Variants in PTPRD observed in about 807,000 individuals in gnomAD.
The protein encoded by PTPRD is protein tyrosine phosphatase receptor type D.
A neutral mutation model predicts 214.5 loss-of-function variants in PTPRD; 34 were observed. That is an observed-to-expected ratio of 0.16 (90% confidence interval 0.12 to 0.21). The LOEUF (loss-of-function observed/expected upper bound fraction) is 0.21. PTPRD is among the 10% of genes least tolerant of loss of function. The pLI, the probability that PTPRD is intolerant of heterozygous loss-of-function variation, is 1.00. For synonymous variants in PTPRD, 1,128 were observed against 845.7 expected (o/e 1.33, Z -5.79); for missense variants, 2,545 against 2,398.7 (o/e 1.06, Z -1.27).
At chr9:8,419,063 T>A (rs1353854769) in intron 35 of PTPRD, among the ~76,000 whole-genome samples, 1 of 151,644 alleles carries the variant, frequency 6.6e-6, no homozygotes, top group Non-Finnish European at 1.5e-5. Context: ...TAAAAAATTT[T>A]AAAAACTCAT....
chr9:9,564,843 C>T lies in PTPRD; in HGVS notation c.-237+9889G>A, dbSNP rs148151603. Reference sequence around the variant, plus strand: ...TCTGAAGATATTTCTTGTTCTGCCTCCAGAAATGTAAGCTGAACAAAAGAG... The same window carrying T: ...TCTGAAGATATTTCTTGTTCTGCCTTCAGAAATGTAAGCTGAACAAAAGAG... On this transcript the variant is annotated intron_variant, in intron 8 of 45. Transcript: ENST00000381196. Among the ~76,000 whole-genome samples, 449 of 145,468 alleles carry T rather than the reference C, an allele frequency of 3.1e-3. 2 individuals carry two copies. Among genetic ancestry groups the T allele is most frequent in the African/African-American group, 0.011 (426 of 39,908 alleles).
At chr9:8,695,476 G>A (rs2097892818) in intron 12 of PTPRD, among the ~76,000 whole-genome samples, 2 of 151,406 alleles carry the variant, frequency 1.3e-5, no homozygotes, top group African/African-American at 4.9e-5. Flanking sequence ...AGGCAAGCAA[G>A]AAGGAAGCGT....
intron 2 of PTPRD, among the ~76,000 whole-genome samples, chr9:10,400,456 T>C (rs796169380): frequency 4.6e-5 from 7 of 151,838 alleles, no homozygotes; most frequent in African/African-American, 1.7e-4. Flanking sequence ...TTTTGCAAAT[T>C]GGTAACAGGT....
intron 9 of PTPRD, among the ~76,000 whole-genome samples, chr9:9,245,238 G>C (rs888887137): frequency 6.6e-6 from 1 of 151,994 alleles, no homozygotes; most frequent in Admixed American, 6.6e-5. Flanking sequence ...GCGATTCCTC[G>C]GGGATCTAGA....
chr9:8,366,912 GC>G (rs1398479696), intron 39 of PTPRD, among the ~76,000 whole-genome samples: 4 of 152,226 alleles, frequency 2.6e-5, no homozygotes, highest in African/African-American at 9.6e-5. Flanking sequence ...ATGCAACGCT[GC>G]CATGGTGCAA....
chr9:9,604,942 G>A (rs1425218628), intron 7 of PTPRD, among the ~76,000 whole-genome samples: 2 of 151,834 alleles, frequency 1.3e-5, no homozygotes, highest in Non-Finnish European at 2.9e-5. Flanking sequence ...TTTAACAGGA[G>A]GTGGTCCCTG....
chr9:10,270,899 T>C (rs1473273385), intron 3 of PTPRD, among the ~76,000 whole-genome samples: 1 of 152,154 alleles, frequency 6.6e-6, no homozygotes, highest in Non-Finnish European at 1.5e-5. Context: ...GGTGCAATCA[T>C]AGCTCACTGC....
At chr9:8,331,926 TAAA>T (rs1564001459) in intron 43 of PTPRD, among the ~76,000 whole-genome samples, 190 bp from the exon 44 acceptor site, 6 of 151,084 alleles carry the variant, frequency 4.0e-5, no homozygotes, top group Middle Eastern at 6.9e-3. Context: ...CACATACCTT[TAAA>T]TCCTAAATTT....
At chr9:10,059,948 G>A (rs1403003989) in intron 3 of PTPRD, among the ~76,000 whole-genome samples, 1 of 151,920 alleles carries the variant, frequency 6.6e-6, no homozygotes, top group Non-Finnish European at 1.5e-5. Context: ...AAAAATGTAA[G>A]TAAGATTATT....
intron 11 of PTPRD, among the ~76,000 whole-genome samples, chr9:8,973,043 A>G (rs150953587): frequency 7.0e-4 from 106 of 151,978 alleles, no homozygotes; most frequent in African/African-American, 2.4e-3. Context: ...GCTGAAAGAT[A>G]TTATTGAGAA....
chr9:9,330,840 G>A (rs1263025774), intron 9 of PTPRD, among the ~76,000 whole-genome samples: 2 of 150,790 alleles, frequency 1.3e-5, no homozygotes, highest in African/African-American at 4.9e-5. Flanking sequence ...AGAGACATGG[G>A]ATATTTCTAG....
At chr9:10,190,344 C>A (rs2099357271) in intron 3 of PTPRD, among the ~76,000 whole-genome samples, 1 of 128,826 alleles carries the variant, frequency 7.8e-6, no homozygotes, top group Middle Eastern at 5.0e-3. Context: ...CATGACACTG[C>A]ACTCCAGCAC....
chr9:9,462,325 T>A (rs1486833932), intron 8 of PTPRD, among the ~76,000 whole-genome samples: 1 of 152,158 alleles, frequency 6.6e-6, no homozygotes, highest in African/African-American at 2.4e-5. Flanking sequence ...GGAACTGACA[T>A]TCATTTGAAA....
chr9:10,076,340 C>T (rs1009003642), intron 3 of PTPRD, among the ~76,000 whole-genome samples: 1 of 152,036 alleles, frequency 6.6e-6, no homozygotes, highest in Non-Finnish European at 1.5e-5. Context: ...CGGGTGTAAA[C>T]CTTATCTCTG....
At chr9:9,684,237 T>C (rs2097128645) in intron 7 of PTPRD, among the ~76,000 whole-genome samples, 1 of 151,712 alleles carries the variant, frequency 6.6e-6, no homozygotes, top group Non-Finnish European at 1.5e-5. Flanking sequence ...CAAGAATAAT[T>C]TAAAACTAAG....
At chr9:10,036,294 G>A (rs751558592) in intron 3 of PTPRD, among the ~76,000 whole-genome samples, 1 of 152,028 alleles carries the variant, frequency 6.6e-6, no homozygotes, top group African/African-American at 2.4e-5. Flanking sequence ...TTGTTGACAG[G>A]TAAATGATCA....
intron 11 of PTPRD, among the ~76,000 whole-genome samples, chr9:8,762,696 C>A (rs920990142): frequency 2.0e-5 from 3 of 152,074 alleles, no homozygotes; most frequent in Non-Finnish European, 2.9e-5. Flanking sequence ...TAACTTCTGA[C>A]CCTTGAAACT....
chr9:9,615,685 T>C (rs945461568), intron 7 of PTPRD, among the ~76,000 whole-genome samples: 6 of 152,226 alleles, frequency 3.9e-5, no homozygotes, highest in African/African-American at 1.4e-4. Context: ...GGAGATCATT[T>C]TGCTATCATA....
intron 14 of PTPRD, among the ~76,000 whole-genome samples, chr9:8,600,555 G>C (rs973603052): frequency 6.6e-6 from 1 of 151,700 alleles, no homozygotes; most frequent in African/African-American, 2.4e-5. Context: ...ACTCTGTCTT[G>C]CATCTTGGAT....
Sources: gnomAD v4.1 joint callset for allele counts (sites outside exome capture counted in the v4.1 genomes callset) on GRCh38, gnomAD v4.1.1 for gene constraint, MANE v1.5 for transcripts, NCBI Gene and HGNC (gene_info 2026-07-23, HGNC 2026-07-21) for gene names.